TMEM14A: variants seen among roughly 807,000 people sequenced by gnomAD.
The protein encoded by TMEM14A is transmembrane protein 14A.
In TMEM14A, 8 loss-of-function variants were observed where a neutral mutation model predicts 11.6. That is an observed-to-expected ratio of 0.69 (90% confidence interval 0.40 to 1.24). The LOEUF (loss-of-function observed/expected upper bound fraction) is 1.24. Among genes scored for constraint, TMEM14A ranks in the 50% most tolerant of loss-of-function variants. The pLI, the probability that TMEM14A is intolerant of heterozygous loss-of-function variation, is 0.01. For synonymous variants in TMEM14A, 34 were observed against 45.5 expected, an observed-to-expected ratio of 0.75 and a Z score of 1.02; for missense variants, 108 against 121.9, an observed-to-expected ratio of 0.89 and a Z score of 0.54.
At chr6:52,677,823 G>C in intron 2 of TMEM14A, among the ~76,000 whole-genome samples, 1 of 152,188 alleles carries the variant, frequency 6.6e-6, no homozygotes, top group East Asian at 1.9e-4. Context: ...ATTTCAAAGG[G>C]TATTGTATTT....
chr6:52,680,660 T>TATATATATAA (rs1185425959), intron 2 of TMEM14A, among the ~76,000 whole-genome samples: 4 of 46,722 alleles, frequency 8.6e-5, no homozygotes, highest in South Asian at 7.4e-4. Flanking sequence ...TGTGTGTGTA[T>TATATATATAA]ATATATGTGT....
In TMEM14A at chr6:52,676,591, C is replaced by A. The variant is rs867126438; in HGVS notation, c.-16-496C>A. On this transcript the variant is annotated intron_variant, in intron 1 of 4. Transcript: ENST00000211314. ...TTTAGTAGACTAGAGAAATTAATTTCTGTAATTCTGTGGAATGTCTTTGTA... is the reference window on the plus strand; with the variant it reads ...TTTAGTAGACTAGAGAAATTAATTTATGTAATTCTGTGGAATGTCTTTGTA... Among the ~76,000 whole-genome samples the A allele has an allele frequency of 3.3e-5, 5 of 152,168 alleles. No homozygotes were observed. In the South Asian group the frequency reaches 1.0e-3, roughly 32 times the overall value.
chr6:52,679,637 G>C (rs1370029889), intron 2 of TMEM14A, among the ~76,000 whole-genome samples: 1 of 152,168 alleles, frequency 6.6e-6, no homozygotes, highest in Admixed American at 6.5e-5. Flanking sequence ...CCCCCACTAT[G>C]GGTCACTGAG....
In TMEM14A at chr6:52,671,264, A is replaced by G. The variant is rs900105045; in HGVS notation, c.-17+19A>G. The G allele has an allele frequency of 2.0e-5, 3 of 152,266 alleles. No homozygotes were observed. The highest frequency in any genetic ancestry group is 4.4e-5 in the Non-Finnish European group (3 of 68,054). The allele number at this position is 152,266 out of a possible 1,614,324, so 9.4% of individuals were successfully genotyped here. On this transcript the variant is annotated intron_variant, in intron 1 of 4. Coordinates refer to ENST00000211314, the MANE Select transcript of TMEM14A (RefSeq NM_014051.4). ...GCTGCAGGTGAGCTGTGCATCCCGCAATGGAGACCTTCCTGCTCTGAATTT... is the reference window on the plus strand; with the variant it reads ...GCTGCAGGTGAGCTGTGCATCCCGCGATGGAGACCTTCCTGCTCTGAATTT...
chr6:52,685,383 CA>C (rs1183635674), intron 4 of TMEM14A, among the ~76,000 whole-genome samples: 2 of 152,018 alleles, frequency 1.3e-5, no homozygotes, highest in Admixed American at 6.6e-5. Context: ...CACTTGAGGT[CA>C]GGAGTTCAAG....
chr6:52,677,232 G>A (rs1581742865), intron 2 of TMEM14A, 60 bp downstream of exon 2: 1 of 1,554,960 alleles, frequency 6.4e-7, no homozygotes, highest in East Asian at 2.2e-5. Context: ...GTTGTGCTAG[G>A]TCATGTGAGG....
chr6:52,674,485 C>G (rs1769218317), intron 1 of TMEM14A, among the ~76,000 whole-genome samples: 2 of 152,130 alleles, frequency 1.3e-5, no homozygotes, highest in African/African-American at 4.8e-5. Flanking sequence ...CTTTCCTCAT[C>G]TGGAAAATGA....
intron 4 of TMEM14A, 110 bp from the exon 5 acceptor site, chr6:52,685,900 C>A: frequency 1.1e-6 from 1 of 946,314 alleles, no homozygotes; most frequent in South Asian, 2.2e-5. Flanking sequence ...CTGGGAGAGC[C>A]CCCAAGCCAA....
At chr6:52,682,529 G>A (rs1166577037) in intron 3 of TMEM14A, among the ~76,000 whole-genome samples, 6 of 150,936 alleles carry the variant, frequency 4.0e-5, no homozygotes, top group Admixed American at 6.6e-5. Flanking sequence ...TGCCTTGGTC[G>A]TGTATGGAAA....
intron 3 of TMEM14A, 102 bp from the exon 4 acceptor site, chr6:52,683,976 A>C (rs1769444214): frequency 9.3e-7 from 1 of 1,070,972 alleles, no homozygotes; most frequent in Admixed American, 2.4e-5. Flanking sequence ...ACCTATCCAT[A>C]ATAGTTGTAA....
chr6:52,683,320 T>C (rs1049392744), intron 3 of TMEM14A, among the ~76,000 whole-genome samples: 8 of 151,716 alleles, frequency 5.3e-5, no homozygotes, highest in Non-Finnish European at 1.0e-4. Context: ...ATTAGCTGGA[T>C]GTGGTTGTAC....
intron 2 of TMEM14A, among the ~76,000 whole-genome samples, chr6:52,680,445 A>C (rs920121031): frequency 6.6e-6 from 1 of 151,142 alleles, no homozygotes; most frequent in Non-Finnish European, 1.5e-5. Flanking sequence ...GGAAGCACTA[A>C]GGTTTTTAAT....
intron 1 of TMEM14A, among the ~76,000 whole-genome samples, chr6:52,673,100 C>G (rs1256548013): frequency 6.6e-6 from 1 of 152,210 alleles, no homozygotes; most frequent in Non-Finnish European, 1.5e-5. Context: ...GCCAGGAACA[C>G]CCTTCCCTGC....
intron 1 of TMEM14A, among the ~76,000 whole-genome samples, chr6:52,675,911 A>G (rs1326194090): frequency 7.2e-5 from 11 of 152,214 alleles, no homozygotes; most frequent in Admixed American, 7.2e-4. Flanking sequence ...TACAGACTAG[A>G]GTCAAGGAAA....
chr6:52,684,762 G>T (rs1769462597), intron 4 of TMEM14A, among the ~76,000 whole-genome samples: 1 of 152,160 alleles, frequency 6.6e-6, no homozygotes, highest in Non-Finnish European at 1.5e-5. Context: ...CCATAAACAT[G>T]TTTATTTCCT....
At position 52,686,165 on chromosome 6, in the gene TMEM14A, C is replaced by A; in HGVS notation, c.*116C>A. 1 of 971,568 alleles carries A rather than the reference C, an allele frequency of 1.0e-6. No individual in the cohort carries two copies. Among genetic ancestry groups the A allele is most frequent in the Non-Finnish European group, 1.5e-6 (1 of 666,700 alleles). The allele number at this position is 971,568 out of a possible 1,614,324, so 60.2% of individuals were successfully genotyped here. A position where few individuals can be genotyped will look rare whatever the true frequency, so the allele number is the denominator to read the frequency against. On this transcript the variant is annotated 3_prime_UTR_variant, in exon 5 of 5. Transcript: ENST00000211314. ...TGGAATGCTAGAAACACAAATAGCA[C>A]TGTCACCTCTAATATGAACATTAGT...
chr6:52,677,571 T>A (rs1769281991), intron 2 of TMEM14A, among the ~76,000 whole-genome samples: 2 of 152,082 alleles, frequency 1.3e-5, no homozygotes, highest in South Asian at 4.1e-4. Context: ...TATTCAGTTA[T>A]CATATCCAAA....
At chr6:52,680,708 C>CACACACACAT (rs1241526053) in intron 2 of TMEM14A, among the ~76,000 whole-genome samples, 2 of 21,550 alleles carry the variant, frequency 9.3e-5, no homozygotes, top group Non-Finnish European at 1.7e-4. Context: ...TATATATACA[C>CACACACACAT]ATATATATAT....
At chr6:52,677,219 G>C (rs1402211649) in intron 2 of TMEM14A, 47 bp downstream of exon 2, 1 of 1,598,860 alleles carries the variant, frequency 6.3e-7, no homozygotes, top group Non-Finnish European at 8.6e-7. Context: ...TGGGGGTTTG[G>C]AGGTTGTGCT....
Sources: gnomAD v4.1 joint callset for allele counts (sites outside exome capture counted in the v4.1 genomes callset) on GRCh38, gnomAD v4.1.1 for gene constraint, MANE v1.5 for transcripts, NCBI Gene and HGNC (gene_info 2026-07-23, HGNC 2026-07-21) for gene names.